Variants in TGFB2 observed in about 807,000 individuals in gnomAD.
TGFB2 encodes the protein transforming growth factor beta 2, also known as transforming growth factor beta-2 proprotein.
In TGFB2, 13 loss-of-function variants were observed where a neutral mutation model predicts 42.7. That is an observed-to-expected ratio of 0.30 (90% CI 0.20 to 0.48). The LOEUF is 0.48. Ranked by LOEUF, TGFB2 falls within the 20% of genes least tolerant of loss-of-function variation. The pLI is 0.99. For synonymous variants in TGFB2, 193 were observed against 193.6 expected, an observed-to-expected ratio of 1.00 and a Z score of 0.03; for missense variants, 390 against 517.5, an observed-to-expected ratio of 0.75 and a Z score of 2.39.
intron 1 of TGFB2, among the ~76,000 whole-genome samples, chr1:218,353,356 AC>A (rs1455255813): frequency 6.6e-6 from 1 of 152,160 alleles, no homozygotes; most frequent in Non-Finnish European, 1.5e-5. Flanking sequence ...TTGGTAATTC[AC>A]CATGTCTGGC....
At position 218,367,174 on chromosome 1, in the gene TGFB2, A is replaced by C. The variant is rs569956142; in HGVS notation, c.346+20127A>C. 3.3e-5 allele frequency among the ~76,000 whole-genome samples: 5 copies of C among 152,284 alleles called. No homozygotes were observed. The South Asian group carries it at 1.0e-3, about 32-fold the overall frequency. On this transcript the variant is annotated intron_variant, in intron 1 of 6. Coordinates refer to ENST00000366930, the MANE Select transcript of TGFB2 (RefSeq NM_003238.6). Reference sequence around the variant, plus strand: ...GACTTTCAAAGCTAGTGTTTAATGCATAAGTGACACATACCATGTATAAGG... The same window carrying C: ...GACTTTCAAAGCTAGTGTTTAATGCCTAAGTGACACATACCATGTATAAGG...
chr1:218,426,949 T>A (rs2102618318), intron 2 of TGFB2, among the ~76,000 whole-genome samples: 1 of 152,342 alleles, frequency 6.6e-6, no homozygotes, highest in South Asian at 2.1e-4. Context: ...ACATTTATAG[T>A]GCATCATCTA....
At chr1:218,393,503 C>T (rs978952708) in intron 1 of TGFB2, among the ~76,000 whole-genome samples, 7 of 152,132 alleles carry the variant, frequency 4.6e-5, no homozygotes, top group Admixed American at 4.6e-4. Flanking sequence ...TTACTGCATT[C>T]TAGAATGGTA....
chr1:218,373,505 A>G (rs1201050238), intron 1 of TGFB2, among the ~76,000 whole-genome samples: 2 of 145,820 alleles, frequency 1.4e-5, no homozygotes, highest in Admixed American at 6.7e-5. Flanking sequence ...TGTTAATAAT[A>G]CTAACTATCA....
At chr1:218,415,694 C>CAAAAAAAA (rs779476856) in intron 2 of TGFB2, among the ~76,000 whole-genome samples, 1 of 40,148 alleles carries the variant, frequency 2.5e-5, no homozygotes. Flanking sequence ...GACTCTGTCT[C>CAAAAAAAA]AAAAGAAAAA....
At chr1:218,417,386 A>G (rs1362146879) in intron 2 of TGFB2, among the ~76,000 whole-genome samples, 3 of 152,224 alleles carry the variant, frequency 2.0e-5, no homozygotes, top group Admixed American at 2.0e-4. Flanking sequence ...CTTGAGACAG[A>G]TGATTTAGGG....
chr1:218,403,070 G>T (rs2102592468), intron 1 of TGFB2, among the ~76,000 whole-genome samples: 1 of 152,362 alleles, frequency 6.6e-6, no homozygotes, highest in Admixed American at 6.5e-5. Context: ...GGCTCCAAAA[G>T]CCTTTCTGCG....
In TGFB2 at chr1:218,434,459, C is replaced by A; in HGVS notation, c.754+11C>A. The A allele has an allele frequency of 6.4e-7, 1 of 1,573,012 alleles. No individual in the cohort carries two copies. Among genetic ancestry groups the A allele is most frequent in the South Asian group, 1.1e-5 (1 of 89,972 alleles). On this transcript the variant is annotated intron_variant, in intron 4 of 6. Coordinates refer to ENST00000366930, the MANE Select transcript of TGFB2 (RefSeq NM_003238.6). ...AAGCAAGATTTGCAGGTAACCAAAA[C>A]TTGGTCATATGAGGTGGGGGAGGGA...
chr1:218,430,220 C>T (rs1331508440), intron 2 of TGFB2, among the ~76,000 whole-genome samples: 1 of 151,960 alleles, frequency 6.6e-6, no homozygotes, highest in Non-Finnish European at 1.5e-5. Context: ...TGGCAAAACC[C>T]CGTCTCTACT....
intron 1 of TGFB2, among the ~76,000 whole-genome samples, chr1:218,358,925 A>G (rs952932851): frequency 2.0e-5 from 3 of 152,192 alleles, no homozygotes; most frequent in African/African-American, 7.2e-5. Flanking sequence ...AGACAGATAA[A>G]GAAACAATCA....
At chr1:218,408,848 A>C (rs1420733619) in intron 2 of TGFB2, among the ~76,000 whole-genome samples, 1 of 152,120 alleles carries the variant, frequency 6.6e-6, no homozygotes, top group African/African-American at 2.4e-5. Context: ...ACAGAGCATT[A>C]CTTTTATTGT....
rs140823517 is a variant in TGFB2 at position 218,378,534 on chromosome 1, G to A, written c.347-26635G>A. On this transcript the variant is annotated intron_variant, in intron 1 of 6. Coordinates refer to ENST00000366930, the MANE Select transcript of TGFB2 (RefSeq NM_003238.6). Reference sequence around the variant, plus strand: ...TCACCATGTTGGCCAGGCTAGTCTCGAACTTCTGACCTCAAGTGCTCCTCC... The same window carrying A: ...TCACCATGTTGGCCAGGCTAGTCTCAAACTTCTGACCTCAAGTGCTCCTCC... 3.8e-3 allele frequency among the ~76,000 whole-genome samples: 578 copies of A among 152,102 alleles called. 1 individual carries two copies. The highest frequency in any genetic ancestry group is 6.6e-3 in the Non-Finnish European group (446 of 67,978).
At chr1:218,425,618 C>A (rs891934011) in intron 2 of TGFB2, among the ~76,000 whole-genome samples, 1 of 152,142 alleles carries the variant, frequency 6.6e-6, no homozygotes, top group African/African-American at 2.4e-5. Context: ...TGAAAAACTA[C>A]AATGGTTGTA....
Position 218,374,329 on chromosome 1 carries a change from T to C in TGFB2, c.346+27282T>C, listed in dbSNP as rs200055167. On this transcript the variant is annotated intron_variant, in intron 1 of 6. Coordinates refer to ENST00000366930, the MANE Select transcript of TGFB2 (RefSeq NM_003238.6). ...CCCATACTTATGAAGGAATGTTACATTGAGGCATCCAATAAATATTTATTA... is the reference window on the plus strand; with the variant it reads ...CCCATACTTATGAAGGAATGTTACACTGAGGCATCCAATAAATATTTATTA... Among the ~76,000 whole-genome samples, 46 of 152,352 alleles carry C rather than the reference T, an allele frequency of 3.0e-4. No homozygotes were observed. The East Asian group carries it at 8.5e-3, about 28-fold the overall frequency.
At chr1:218,354,981 C>T (rs1467039060) in intron 1 of TGFB2, among the ~76,000 whole-genome samples, 2 of 152,198 alleles carry the variant, frequency 1.3e-5, no homozygotes, top group East Asian at 3.9e-4. Context: ...CAGCTTACTG[C>T]AACCTCTGGC....
chr1:218,402,544 G>A (rs1553299576), intron 1 of TGFB2, among the ~76,000 whole-genome samples: 2 of 151,688 alleles, frequency 1.3e-5, no homozygotes, highest in East Asian at 1.9e-4. Context: ...GAAAAGGGGG[G>A]AAAAAAATGG....
In TGFB2 at chr1:218,398,321, C is replaced by T. The variant is rs1298550249; in HGVS notation, c.347-6848C>T. Reference sequence around the variant, plus strand: ...CTATAGGTTCTTGACCCAAGCATTTCAACATTCACGCACTTTCTTCCTGCC... The same window carrying T: ...CTATAGGTTCTTGACCCAAGCATTTTAACATTCACGCACTTTCTTCCTGCC... On this transcript the variant is annotated intron_variant, in intron 1 of 6. Transcript: ENST00000366930. 2.0e-5 allele frequency among the ~76,000 whole-genome samples: 3 copies of T among 152,346 alleles called. No individual in the cohort carries two copies. In the East Asian group the frequency reaches 5.8e-4, roughly 29 times the overall value.
intron 1 of TGFB2, among the ~76,000 whole-genome samples, chr1:218,368,214 G>C (rs745466132): frequency 6.6e-6 from 1 of 151,388 alleles, no homozygotes; most frequent in East Asian, 2.0e-4. Context: ...GCGTGATCTC[G>C]GCTCACTGCG....
At chr1:218,392,422 G>T (rs947744917) in intron 1 of TGFB2, among the ~76,000 whole-genome samples, 6 of 152,220 alleles carry the variant, frequency 3.9e-5, no homozygotes, top group African/African-American at 1.4e-4. Context: ...AAAGGGAATA[G>T]ATCATCTTAT....
Sources: gnomAD v4.1 joint callset for allele counts (sites outside exome capture counted in the v4.1 genomes callset) on GRCh38, gnomAD v4.1.1 for gene constraint, MANE v1.5 for transcripts, NCBI Gene and HGNC (gene_info 2026-07-23, HGNC 2026-07-21) for gene names.